NTNG1: variants seen among roughly 807,000 people sequenced by gnomAD.
NTNG1 encodes the protein netrin-G1.
NTNG1 carries 16 observed loss-of-function variants against 54.0 expected under a neutral mutation model. That is an observed-to-expected ratio of 0.30 (90% CI 0.20 to 0.45). NTNG1 has a LOEUF of 0.45. NTNG1 is among the 20% of genes least tolerant of loss of function. The probability of loss-of-function intolerance (pLI) is 1.00; values close to 1 mark genes in which losing one functional copy is unlikely to be tolerated. For missense variants in NTNG1, 530 were observed against 678.7 expected (o/e 0.78, Z 2.43); for synonymous variants, 255 against 263.1 (o/e 0.97, Z 0.30).
rs1207696005 is a variant in NTNG1, at chr1:107,218,138, T to G, written c.246+69299T>G. On this transcript the variant is annotated intron_variant, in intron 2 of 7. Coordinates refer to ENST00000370068, the MANE Select transcript of NTNG1 (RefSeq NM_001113226.3). ...TTTATAAATTCGGGATCCCCACTGT[T>G]AGGTGCATATTTATTTAGGACTGTG... Among the ~76,000 whole-genome samples the G allele has an allele frequency of 9.2e-5, 14 of 152,298 alleles. No individual in the cohort carries two copies. The South Asian group carries it at 2.9e-3, about 32-fold the overall frequency.
chr1:107,386,638 T>C (rs1024426728), intron 3 of NTNG1, among the ~76,000 whole-genome samples: 6 of 152,248 alleles, frequency 3.9e-5, no homozygotes, highest in Non-Finnish European at 7.3e-5. Context: ...TATTCATCAG[T>C]TGATGGACAT....
intron 5 of NTNG1, among the ~76,000 whole-genome samples, chr1:107,416,867 G>A (rs1674242258): frequency 6.6e-6 from 1 of 151,968 alleles, no homozygotes; most frequent in African/African-American, 2.4e-5. Context: ...GATGGAGAAA[G>A]CTAGTTAACC....
chr1:107,178,924 G>A (rs1354180989), intron 2 of NTNG1, among the ~76,000 whole-genome samples: 1 of 152,152 alleles, frequency 6.6e-6, no homozygotes, highest in Non-Finnish European at 1.5e-5. Flanking sequence ...TCACCTCTTG[G>A]CTAGAGAAAG....
chr1:107,275,872 TA>T (rs1319048092), intron 2 of NTNG1, among the ~76,000 whole-genome samples: 1 of 152,206 alleles, frequency 6.6e-6, no homozygotes, highest in Admixed American at 6.5e-5. Context: ...AGGTGACATA[TA>T]AAATTAACCA....
chr1:107,464,391 C>A (rs1196019088), intron 7 of NTNG1, among the ~76,000 whole-genome samples: 1 of 152,090 alleles, frequency 6.6e-6, no homozygotes, highest in Non-Finnish European at 1.5e-5. Flanking sequence ...AAGGGATGTT[C>A]AAAAGATTTG....
rs192689436 is a variant in NTNG1 at position 107,465,388 on chromosome 1, G to T, written c.1391-15223G>T. ...TGTTCTGTGTGGACAATGAGAGGAG[G>T]TGCAAGACAATGGCCTGCCCTCAGA... On this transcript the variant is annotated intron_variant, in intron 7 of 7. Transcript: ENST00000370068. 5.4e-4 allele frequency among the ~76,000 whole-genome samples: 82 copies of T among 152,338 alleles called. No homozygotes were observed. In the East Asian group the frequency reaches 0.012, roughly 22 times the overall value.
chr1:107,259,890 A>G (rs1288243428), intron 2 of NTNG1, among the ~76,000 whole-genome samples: 1 of 152,196 alleles, frequency 6.6e-6, no homozygotes, highest in Non-Finnish European at 1.5e-5. Flanking sequence ...AATAGATTTC[A>G]GCATTCTGTT....
chr1:107,191,369 C>T (rs1023458210), intron 2 of NTNG1, among the ~76,000 whole-genome samples: 33 of 152,064 alleles, frequency 2.2e-4, no homozygotes, highest in Admixed American at 5.2e-4. Flanking sequence ...TTCTCCCATT[C>T]TGTAGGTTGC....
intron 5 of NTNG1, 109 bp downstream of exon 5, chr1:107,407,817 G>A (rs1241180529): frequency 1.0e-6 from 1 of 960,230 alleles, no homozygotes; most frequent in East Asian, 2.4e-5. Flanking sequence ...TGATGTAATA[G>A]GGTATTTTCT....
chr1:107,192,022 A>G (rs1314554335), intron 2 of NTNG1, among the ~76,000 whole-genome samples: 1 of 152,110 alleles, frequency 6.6e-6, no homozygotes, highest in African/African-American at 2.4e-5. Flanking sequence ...CTTGGGCAGT[A>G]TGGCCATTTT....
chr1:107,405,410 A>ACCTC, intron 4 of NTNG1, among the ~76,000 whole-genome samples: 1 of 152,276 alleles, frequency 6.6e-6, no homozygotes. Flanking sequence ...GAACAGCCTG[A>ACCTC]ATTTTAAGCA....
intron 1 of NTNG1, among the ~76,000 whole-genome samples, chr1:107,142,005 T>C (rs952892724): frequency 6.6e-6 from 1 of 152,166 alleles, no homozygotes; most frequent in African/African-American, 2.4e-5. Flanking sequence ...ATTAAAACAT[T>C]ACTATCCCAT....
intron 2 of NTNG1, among the ~76,000 whole-genome samples, chr1:107,312,353 G>A (rs993266989): frequency 6.6e-6 from 1 of 152,114 alleles, no homozygotes; most frequent in African/African-American, 2.4e-5. Flanking sequence ...GGGGGAGTAG[G>A]TTTAATGCTA....
At chr1:107,407,883 A>G in intron 5 of NTNG1, 175 bp downstream of exon 5, 1 of 754,036 alleles carries the variant, frequency 1.3e-6, no homozygotes, top group East Asian at 2.5e-5. Flanking sequence ...GAACACAGAT[A>G]AAGTGATTAT....
chr1:107,430,025 TG>T (rs1675155819), intron 5 of NTNG1, among the ~76,000 whole-genome samples: 1 of 152,148 alleles, frequency 6.6e-6, no homozygotes. Flanking sequence ...ATTCTTCTTT[TG>T]TAGCAAACTA....
At chr1:107,307,069 C>T (rs1050859625) in intron 2 of NTNG1, among the ~76,000 whole-genome samples, 1 of 152,064 alleles carries the variant, frequency 6.6e-6, no homozygotes, top group South Asian at 2.1e-4. Flanking sequence ...CTAATTTGTC[C>T]GTAGCTGCTA....
chr1:107,419,262 C>T (rs1415034096), intron 5 of NTNG1, among the ~76,000 whole-genome samples: 1 of 149,306 alleles, frequency 6.7e-6, no homozygotes, highest in Non-Finnish European at 1.5e-5. Context: ...CTCTCTCTGT[C>T]TTTCACATCA....
chr1:107,231,034 G>A (rs1661031180), intron 2 of NTNG1, among the ~76,000 whole-genome samples: 2 of 152,152 alleles, frequency 1.3e-5, no homozygotes, highest in Admixed American at 6.6e-5. Flanking sequence ...GATGGGTTTG[G>A]AGCCAGTTTC....
At chr1:107,191,612 T>C (rs1657935646) in intron 2 of NTNG1, among the ~76,000 whole-genome samples, 1 of 151,918 alleles carries the variant, frequency 6.6e-6, no homozygotes, top group South Asian at 2.1e-4. Context: ...GTATAAGGTG[T>C]AAGGAAGGGA....
Sources: gnomAD v4.1 joint callset for allele counts (sites outside exome capture counted in the v4.1 genomes callset) on GRCh38, gnomAD v4.1.1 for gene constraint, MANE v1.5 for transcripts, NCBI Gene and HGNC (gene_info 2026-07-23, HGNC 2026-07-21) for gene names.